The following SDK1 variants were observed in gnomAD, a reference collection of about 807,000 sequenced individuals.
SDK1 encodes protein sidekick-1.
Under a neutral mutation model 245.5 loss-of-function variants are expected in SDK1, and 157 were observed. That is an observed-to-expected ratio of 0.64 (90% CI 0.56 to 0.73). The LOEUF is 0.73. Ranked by LOEUF, SDK1 falls within the 30% of genes least tolerant of loss-of-function variation. SDK1 has a pLI of 0.00. For synonymous variants in SDK1, 1,647 were observed against 1,278.5 expected, an observed-to-expected ratio of 1.29 and a Z score of -6.15; for missense variants, 3,583 against 3,002.3, an observed-to-expected ratio of 1.19 and a Z score of -4.52.
chr7:3,982,429 T>C (rs1321901429), intron 13 of SDK1, among the ~76,000 whole-genome samples: 1 of 152,204 alleles, frequency 6.6e-6, no homozygotes, highest in Non-Finnish European at 1.5e-5. Flanking sequence ...CAAGTCCCAT[T>C]ATTTAAGGAA....
intron 37 of SDK1, 28 bp from the exon 38 acceptor site, chr7:4,209,997 A>C: frequency 6.5e-7 from 1 of 1,534,316 alleles, no homozygotes; most frequent in Non-Finnish European, 8.7e-7. Flanking sequence ...AGCCCCTGTA[A>C]AAGTCACTTT....
chr7:3,369,454 A>T (rs1324194171), intron 1 of SDK1, among the ~76,000 whole-genome samples: 1 of 152,226 alleles, frequency 6.6e-6, no homozygotes, highest in Non-Finnish European at 1.5e-5. Context: ...AGCCTGCAAA[A>T]CAAAATACTT....
intron 1 of SDK1, among the ~76,000 whole-genome samples, chr7:3,365,988 G>A (rs1244155186): frequency 1.3e-5 from 2 of 150,988 alleles, no homozygotes; most frequent in African/African-American, 4.9e-5. Context: ...GCAATGAGCC[G>A]AGATTGTGCC....
intron 39 of SDK1, 74 bp downstream of exon 39, chr7:4,220,344 A>T: frequency 1.3e-6 from 2 of 1,483,116 alleles, no homozygotes; most frequent in Non-Finnish European, 1.8e-6. Flanking sequence ...CTGAGCTGAG[A>T]TCCATCTACA....
chr7:3,787,127 A>G (rs190892730), intron 4 of SDK1, among the ~76,000 whole-genome samples: 1 of 150,080 alleles, frequency 6.7e-6, no homozygotes, highest in Non-Finnish European at 1.5e-5. Flanking sequence ...TTTATTCCAG[A>G]AAAGACTTAG....
At chr7:3,710,495 T>C (rs1387469308) in intron 4 of SDK1, among the ~76,000 whole-genome samples, 2 of 152,250 alleles carry the variant, frequency 1.3e-5, no homozygotes, top group Non-Finnish European at 2.9e-5. Flanking sequence ...ACTTTTGATA[T>C]AGAAACAAGC....
intron 1 of SDK1, among the ~76,000 whole-genome samples, chr7:3,429,141 C>T (rs1779759560): frequency 6.6e-6 from 1 of 152,108 alleles, no homozygotes; most frequent in Non-Finnish European, 1.5e-5. Context: ...CAGTTTGGAG[C>T]ATCTAAAATT....
chr7:3,562,888 G>GGAAGCAAATACTTAAATATGAAGA (rs11276131), intron 1 of SDK1, among the ~76,000 whole-genome samples: 101,056 of 151,678 alleles, frequency 0.67, 34,130 homozygotes, highest in African/African-American at 0.77. Context: ...AAATATGAAG[G>GGAAGCAAATACTTAAATATGAAGA]GAAGCAAATA....
chr7:4,107,595 G>A (rs375890083), intron 22 of SDK1, among the ~76,000 whole-genome samples: 39 of 151,916 alleles, frequency 2.6e-4, no homozygotes, highest in Non-Finnish European at 2.5e-4. Context: ...CTAAGTCACC[G>A]AGGACTCTGA....
chr7:3,871,150 C>CT (rs200291112), intron 5 of SDK1, among the ~76,000 whole-genome samples: 3,145 of 143,424 alleles, frequency 0.022, 117 homozygotes, highest in African/African-American at 0.072. Context: ...TATTTCTTGA[C>CT]TTTTTTTTTT....
At chr7:3,324,153 A>G (rs1434523200) in intron 1 of SDK1, among the ~76,000 whole-genome samples, 1 of 152,130 alleles carries the variant, frequency 6.6e-6, no homozygotes, top group African/African-American at 2.4e-5. Flanking sequence ...GTAGGGTCAG[A>G]TTCATTTTTC....
intron 1 of SDK1, among the ~76,000 whole-genome samples, chr7:3,464,581 T>C (rs1442860746): frequency 2.6e-5 from 4 of 152,076 alleles, no homozygotes; most frequent in African/African-American, 9.7e-5. Flanking sequence ...CAGTGGCTCT[T>C]TTTTTGTTTG....
intron 4 of SDK1, among the ~76,000 whole-genome samples, chr7:3,692,799 G>A (rs6462241): frequency 0.26 from 38,875 of 151,926 alleles, 8,022 homozygotes; most frequent in African/African-American, 0.56. Flanking sequence ...GAATCGCATC[G>A]ATTTATACAT....
chr7:3,354,699 T>C (rs2128559107), intron 1 of SDK1, among the ~76,000 whole-genome samples: 1 of 152,360 alleles, frequency 6.6e-6, no homozygotes, highest in South Asian at 2.1e-4. Flanking sequence ...AGGTCTTGGG[T>C]AGATTATTTA....
At chr7:3,878,440 C>A (rs1433718048) in intron 5 of SDK1, among the ~76,000 whole-genome samples, 1 of 152,086 alleles carries the variant, frequency 6.6e-6, no homozygotes. Flanking sequence ...TGGCGTGAAC[C>A]CGGGAGGCGG....
At chr7:4,088,554 G>C (rs1444545108) in intron 22 of SDK1, among the ~76,000 whole-genome samples, 1 of 139,066 alleles carries the variant, frequency 7.2e-6, no homozygotes, top group African/African-American at 2.9e-5. Flanking sequence ...CCTAGGAGTT[G>C]GTTTTTTTTT....
intron 30 of SDK1, among the ~76,000 whole-genome samples, chr7:4,157,476 G>A (rs570868008): frequency 0.19 from 20,975 of 108,054 alleles, 1,986 homozygotes; most frequent in African/African-American, 0.36. Flanking sequence ...GAAGGAAGGA[G>A]GGAAGGAAGG....
At chr7:3,934,400 G>A (rs1036413598) in intron 5 of SDK1, among the ~76,000 whole-genome samples, 4 of 152,200 alleles carry the variant, frequency 2.6e-5, no homozygotes, top group Non-Finnish European at 5.9e-5. Flanking sequence ...TACAGATACT[G>A]TTTGTGAATC....
At chr7:3,725,723 C>T (rs1778987871) in intron 4 of SDK1, among the ~76,000 whole-genome samples, 2 of 152,142 alleles carry the variant, frequency 1.3e-5, no homozygotes, top group South Asian at 4.2e-4. Context: ...TTGCCGGAAG[C>T]CAAGACCACT....
Sources: gnomAD v4.1 joint callset for allele counts (sites outside exome capture counted in the v4.1 genomes callset) on GRCh38, gnomAD v4.1.1 for gene constraint, MANE v1.5 for transcripts, NCBI Gene and HGNC (gene_info 2026-07-23, HGNC 2026-07-21) for gene names.